The following WWTR1 variants were observed in gnomAD, a reference collection of about 807,000 sequenced individuals.
WWTR1 encodes the protein WW domain-containing transcription regulator protein 1.
In WWTR1, 13 loss-of-function variants were observed where a neutral mutation model predicts 40.1. The ratio of observed to expected loss-of-function variants is 0.32; its 90% CI spans 0.21 to 0.52. WWTR1 has a LOEUF of 0.52. WWTR1 is among the 20% of genes least tolerant of loss of function. WWTR1 has a pLI of 0.97. For missense variants in WWTR1, 436 were observed against 523.1 expected, an observed-to-expected ratio of 0.83 and a Z score of 1.63; for synonymous variants, 230 against 210.1, an observed-to-expected ratio of 1.09 and a Z score of -0.82.
rs556551043 is a variant in WWTR1 at position 149,617,652 on chromosome 3, T to C, written c.431+39224A>G. On this transcript the variant is annotated intron_variant, in intron 2 of 6. Coordinates refer to ENST00000360632, the MANE Select transcript of WWTR1 (RefSeq NM_015472.6). ...CTGTCTTCACTAAAAATATGAAAAT[T>C]AGCTGGGCATGGTGGTACATGCCTG... Among the ~76,000 whole-genome samples, 258 of 152,228 alleles carry C rather than the reference T, an allele frequency of 1.7e-3. 1 individual carries two copies. Among genetic ancestry groups the C allele is most frequent in the African/African-American group, 5.9e-3 (245 of 41,540 alleles).
chr3:149,589,763 A>G (rs1738609096), intron 2 of WWTR1, among the ~76,000 whole-genome samples: 1 of 150,578 alleles, frequency 6.6e-6, no homozygotes, highest in Non-Finnish European at 1.5e-5. Flanking sequence ...AGACATTAAA[A>G]AACTACTCAT....
In WWTR1 at chr3:149,636,581, A is replaced by T. The variant is rs1049384833; in HGVS notation, c.431+20295T>A. On this transcript the variant is annotated intron_variant, in intron 2 of 6. Transcript: ENST00000360632. ...AAAGAATAGAATATATTCTAAAGTA[A>T]AATATACATTATATGTATCCTTTAT... 2.6e-5 allele frequency among the ~76,000 whole-genome samples: 4 copies of T among 152,366 alleles called. No homozygotes were observed. The East Asian group carries it at 7.7e-4, about 29-fold the overall frequency.
At chr3:149,528,299 A>C (rs1031715100) in intron 4 of WWTR1, among the ~76,000 whole-genome samples, 3 of 152,232 alleles carry the variant, frequency 2.0e-5, no homozygotes, top group Admixed American at 2.0e-4. Flanking sequence ...GGCTTTTTCT[A>C]TCTCAGGTTC....
chr3:149,673,747 T>C (rs765265769), intron 1 of WWTR1, among the ~76,000 whole-genome samples: 2 of 152,206 alleles, frequency 1.3e-5, no homozygotes, highest in South Asian at 2.1e-4. Context: ...TCCAGAGTTA[T>C]GCATTCTTTG....
intron 2 of WWTR1, among the ~76,000 whole-genome samples, chr3:149,633,771 T>C (rs1207934697): frequency 6.6e-6 from 1 of 151,882 alleles, no homozygotes; most frequent in African/African-American, 2.4e-5. Context: ...TGAGTGAGGG[T>C]GCTCCAGGGA....
At chr3:149,543,230 T>A (rs1447873420) in intron 3 of WWTR1, among the ~76,000 whole-genome samples, 3 of 152,308 alleles carry the variant, frequency 2.0e-5, no homozygotes, top group Non-Finnish European at 4.4e-5. Context: ...ATATTTTCAA[T>A]TTTTTTAAAA....
chr3:149,527,694 C>T, intron 5 of WWTR1, 142 bp downstream of exon 5: 1 of 1,255,366 alleles, frequency 8.0e-7, no homozygotes, highest in Non-Finnish European at 1.1e-6. Context: ...TTTTTTCTGC[C>T]AGCTCCTCCC....
intron 2 of WWTR1, among the ~76,000 whole-genome samples, chr3:149,629,082 G>A (rs2108104058): frequency 6.6e-6 from 1 of 152,250 alleles, no homozygotes; most frequent in African/African-American, 2.4e-5. Flanking sequence ...TCATTCTTCT[G>A]GCAGTAATCT....
chr3:149,594,421 A>C (rs186434737), intron 2 of WWTR1, among the ~76,000 whole-genome samples: 15 of 152,322 alleles, frequency 9.8e-5, no homozygotes, highest in African/African-American at 3.4e-4. Context: ...GAATATTTGA[A>C]TATGTACTGG....
chr3:149,536,526 C>A (rs1204431647), intron 4 of WWTR1, among the ~76,000 whole-genome samples: 1 of 151,860 alleles, frequency 6.6e-6, no homozygotes, highest in African/African-American at 2.4e-5. Context: ...CTGCTCACAG[C>A]CAGGTGTGTC....
At chr3:149,560,460 T>A (rs992410189) in intron 3 of WWTR1, among the ~76,000 whole-genome samples, 24 of 152,160 alleles carry the variant, frequency 1.6e-4, no homozygotes, top group African/African-American at 5.5e-4. Flanking sequence ...TGAGCATTTG[T>A]TTTGTTAGGA....
At chr3:149,605,461 G>A (rs1739443110) in intron 2 of WWTR1, among the ~76,000 whole-genome samples, 1 of 152,262 alleles carries the variant, frequency 6.6e-6, no homozygotes, top group Non-Finnish European at 1.5e-5. Context: ...TGATAGGTGA[G>A]GAAGAAATAA....
At chr3:149,592,246 T>C (rs1399201658) in intron 2 of WWTR1, among the ~76,000 whole-genome samples, 1 of 152,234 alleles carries the variant, frequency 6.6e-6, no homozygotes, top group Non-Finnish European at 1.5e-5. Context: ...ATCCCACATT[T>C]CTGTAATTCA....
intron 1 of WWTR1, among the ~76,000 whole-genome samples, chr3:149,695,834 C>T (rs186558475): frequency 2.8e-4 from 41 of 144,724 alleles, no homozygotes; most frequent in Admixed American, 1.2e-3. Flanking sequence ...CACAGGAGGC[C>T]GGACGCAGTG....
At chr3:149,672,895 C>T (rs547815176) in intron 1 of WWTR1, among the ~76,000 whole-genome samples, 14 of 151,626 alleles carry the variant, frequency 9.2e-5, no homozygotes, top group South Asian at 4.2e-4. Context: ...GCGATCCTCC[C>T]GCCTCAGCCT....
intron 2 of WWTR1, among the ~76,000 whole-genome samples, chr3:149,609,919 G>A (rs1739654716): frequency 6.6e-6 from 1 of 152,144 alleles, no homozygotes; most frequent in African/African-American, 2.4e-5. Context: ...TCTGCCTCAC[G>A]TCCAGTGAAA....
rs540498949 is a variant in WWTR1, at chr3:149,604,517, G to A, written c.432-31517C>T. ...GAAAATGCAGGAAGTGAAGGAAGGA[G>A]GTCAAAGAAAGAGCCCTGGGACTTC... is the stretch of plus-strand genomic sequence containing the variant. On this transcript the variant is annotated intron_variant, in intron 2 of 6. Coordinates refer to ENST00000360632, the MANE Select transcript of WWTR1 (RefSeq NM_015472.6). 3.3e-4 allele frequency among the ~76,000 whole-genome samples: 50 copies of A among 152,340 alleles called. No homozygotes were observed. In the South Asian group the frequency reaches 8.5e-3, roughly 26 times the overall value.
chr3:149,536,870 G>A (rs1226595106), intron 4 of WWTR1, among the ~76,000 whole-genome samples: 2 of 152,126 alleles, frequency 1.3e-5, no homozygotes, highest in East Asian at 3.8e-4. Context: ...GGGGAGCCAA[G>A]GCTTTGCCAC....
chr3:149,702,589 C>T (rs1715216409), intron 1 of WWTR1: 1 of 151,620 alleles, frequency 6.6e-6, no homozygotes, highest in African/African-American at 2.4e-5. Context: ...ATAGTAAGCA[C>T]TAAGAAATAA....
Sources: allele counts gnomAD v4.1 joint callset (sites outside exome capture counted in the v4.1 genomes callset), GRCh38; gene constraint gnomAD v4.1.1; transcripts MANE v1.5; gene names NCBI Gene and HGNC (gene_info 2026-07-23, HGNC 2026-07-21).